Variants in PIK3R5 observed in about 807,000 individuals in gnomAD.
PIK3R5 encodes phosphoinositide 3-kinase regulatory subunit 5.
In PIK3R5, 32 loss-of-function variants were observed where a neutral mutation model predicts 94.9. The observed-to-expected ratio is 0.34, with a 90% CI of 0.25 to 0.45. The LOEUF (loss-of-function observed/expected upper bound fraction) is 0.45, where lower values mean the gene tolerates loss of function less well. Ranked by LOEUF, PIK3R5 falls within the 20% of genes least tolerant of loss-of-function variation. The probability of loss-of-function intolerance (pLI) is 1.00; values close to 1 mark genes in which losing one functional copy is unlikely to be tolerated. For synonymous variants in PIK3R5, 443 were observed against 479.4 expected, an observed-to-expected ratio of 0.92 and a Z score of 0.99; for missense variants, 853 against 1,144.6, an observed-to-expected ratio of 0.75 and a Z score of 3.68.
chr17:8,890,751 T>C lies in PIK3R5; in HGVS notation c.644A>G (p.His215Arg). The change falls in exon 7 of 19, where the codon CAC (histidine) becomes CGC (arginine). Residue 215 changes from histidine (H) to arginine (R), a missense_variant. By Grantham distance (29) the His-to-Arg change is conservative. Around this residue, in one of 6 missense-constraint regions of PIK3R5, gnomAD observed 161 missense variants for 249.5 expected, o/e 0.65. Transcript: ENST00000447110. This position sits in a 1 kb window ranked among gnomAD's most constrained non-coding sequence, Gnocchi z 6.1. ...FGAHCDVPGL[H>R]CRLQAKTLAE... ...CCAGGTACATACCTGTAGCCTGCAG[T>C]GCAGGCCCGGGACGTCACAGTGGGC... is the stretch of plus-strand genomic sequence containing the variant. The C allele has an allele frequency of 1.2e-6, 2 of 1,609,174 alleles. No individual in the cohort carries two copies. The highest frequency in any genetic ancestry group is 8.5e-7 in the Non-Finnish European group (1 of 1,178,020).
intron 1 of PIK3R5, among the ~76,000 whole-genome samples, chr17:8,923,541 A>G (rs539437415): frequency 3.3e-5 from 5 of 152,188 alleles, no homozygotes; most frequent in Non-Finnish European, 7.3e-5. Flanking sequence ...GAGCAGCTAT[A>G]CTGGAGCCAG....
intron 1 of PIK3R5, among the ~76,000 whole-genome samples, chr17:8,961,946 C>A (rs1395961378): frequency 6.6e-6 from 1 of 152,202 alleles, no homozygotes; most frequent in East Asian, 1.9e-4. Flanking sequence ...CTCAACTATC[C>A]AGAACCTAGC....
rs1245088147 is a variant in PIK3R5, at chr17:8,896,974, T to C, written c.413-3319A>G. Among the ~76,000 whole-genome samples, 1 of 152,186 alleles carries C rather than the reference T, an allele frequency of 6.6e-6. No homozygotes were observed. Among genetic ancestry groups the C allele is most frequent in the Non-Finnish European group, 1.5e-5 (1 of 68,032 alleles). On this transcript the variant is annotated intron_variant, in intron 5 of 18. Transcript: ENST00000447110. This position sits in a 1 kb window ranked among gnomAD's most constrained non-coding sequence, Gnocchi z 4.0. ...AACTATGATTAATATCAACTCATGG[T>C]GGACAGTTTGACCTACCTCATACCC...
intron 1 of PIK3R5, among the ~76,000 whole-genome samples, chr17:8,941,375 GA>G (rs1191508898): frequency 7.2e-5 from 11 of 151,982 alleles, no homozygotes; most frequent in Non-Finnish European, 4.4e-5. Flanking sequence ...GAAGGAGAAA[GA>G]AAAAAAGGGG....
Position 8,937,089 on chromosome 17 carries a change from T to C in PIK3R5, c.-13-25582A>G, listed in dbSNP as rs1207994408. ...TATATAGGCAAGCACTTGACTTTTGTGTATTTATCTTGCACTCTGAAACCT... is the reference window on the plus strand; with the variant it reads ...TATATAGGCAAGCACTTGACTTTTGCGTATTTATCTTGCACTCTGAAACCT... On this transcript the variant is annotated intron_variant, in intron 1 of 18. Transcript: ENST00000447110. Among the ~76,000 whole-genome samples, 3 of 152,210 alleles carry C rather than the reference T, an allele frequency of 2.0e-5. 1 individual carries two copies. Among genetic ancestry groups the C allele is most frequent in the Admixed American group, 2.0e-4 (3 of 15,288 alleles).
In PIK3R5 at chr17:8,882,019, C is replaced by T; in HGVS notation, c.2206-138G>A. 3.0e-6 allele frequency: 2 copies of T among 668,316 alleles called. No individual in the cohort carries two copies. Among genetic ancestry groups the T allele is most frequent in the African/African-American group, 1.8e-5 (1 of 56,210 alleles). 41.4% of individuals were successfully genotyped at this position (668,316 alleles called of 1,614,324 possible). A position where few individuals can be genotyped will look rare whatever the true frequency, so the allele number is the denominator to read the frequency against. On this transcript the variant is annotated intron_variant, in intron 15 of 18. Coordinates refer to ENST00000447110, the MANE Select transcript of PIK3R5 (RefSeq NM_001142633.3). This position sits in a 1 kb window ranked among gnomAD's most constrained non-coding sequence, Gnocchi z 4.1. ...AAAGCCCTCTCTTATTCACCAGGGC[C>T]CCTGTACCACCCTGGATAGACCTGG... is the stretch of plus-strand genomic sequence containing the variant.
intron 1 of PIK3R5, among the ~76,000 whole-genome samples, chr17:8,960,702 C>T (rs1264913462): frequency 6.6e-6 from 1 of 152,174 alleles, no homozygotes; most frequent in African/African-American, 2.4e-5. Flanking sequence ...GAACTGGGCT[C>T]CATGTGAGCC....
chr17:8,880,535 G>C lies in PIK3R5; in HGVS notation c.*104C>G. 2 of 1,185,006 alleles carry C rather than the reference G, an allele frequency of 1.7e-6. No individual in the cohort carries two copies. Among genetic ancestry groups the C allele is most frequent in the Admixed American group, 5.7e-5 (2 of 34,800 alleles). 73.4% of individuals were successfully genotyped at this position (1,185,006 alleles called of 1,614,324 possible). A position where few individuals can be genotyped will look rare whatever the true frequency, so the allele number is the denominator to read the frequency against. On this transcript the variant is annotated 3_prime_UTR_variant, in exon 19 of 19. Coordinates refer to ENST00000447110, the MANE Select transcript of PIK3R5 (RefSeq NM_001142633.3). The stretch of plus-strand genomic sequence containing the variant: ...TTGCAGGACCCACAGTGGGACTATG[G>C]CTCTGCACAGGGCCATTCAGTTCTC...
chr17:8,900,963 G>T (rs1465361306), intron 5 of PIK3R5, among the ~76,000 whole-genome samples: 1 of 152,030 alleles, frequency 6.6e-6, no homozygotes, highest in South Asian at 2.1e-4. Flanking sequence ...GAATCATTTC[G>T]GTCTTTGGTG....
In PIK3R5 at chr17:8,909,212, G is replaced by T; in HGVS notation, c.104-38C>A. The T allele has an allele frequency of 7.7e-7, 1 of 1,300,044 alleles. No individual in the cohort carries two copies. The highest frequency in any genetic ancestry group is 1.1e-6 in the Non-Finnish European group (1 of 916,856). The allele number at this position is 1,300,044 out of a possible 1,614,324, so 80.5% of individuals were successfully genotyped here. On this transcript the variant is annotated intron_variant, in intron 2 of 18. Transcript: ENST00000447110. This position sits in a 1 kb window ranked among gnomAD's most constrained non-coding sequence, Gnocchi z 4.3. ...AGAGAGGCAAGGGGTCAGTTCTGGTGTCTTCCAGTCACACTCAGGCAGGGG... is the reference window on the plus strand; with the variant it reads ...AGAGAGGCAAGGGGTCAGTTCTGGTTTCTTCCAGTCACACTCAGGCAGGGG...
At position 8,920,776 on chromosome 17, in the gene PIK3R5, G is replaced by A. The variant is rs545685039; in HGVS notation, c.-13-9269C>T. ...CTGTAATTTTAGCCCTTCTTTTAACGTAACTTGTTTTCTTTTAAAATACAG... is the reference window on the plus strand; with the variant it reads ...CTGTAATTTTAGCCCTTCTTTTAACATAACTTGTTTTCTTTTAAAATACAG... On this transcript the variant is annotated intron_variant, in intron 1 of 18. Coordinates refer to ENST00000447110, the MANE Select transcript of PIK3R5 (RefSeq NM_001142633.3). Among the ~76,000 whole-genome samples, 10 of 150,650 alleles carry A rather than the reference G, an allele frequency of 6.6e-5. No individual in the cohort carries two copies. The East Asian group carries it at 1.7e-3, about 26-fold the overall frequency.
In PIK3R5 at chr17:8,949,085, G is replaced by A. The variant is rs141252698; in HGVS notation, c.-14+16511C>T. On this transcript the variant is annotated intron_variant, in intron 1 of 18. Transcript: ENST00000447110. ...AAATAAACTGAGGCAAGAGGCGGGA[G>A]ACAGCATGGTTCCTTTAGGGAAATG... Among the ~76,000 whole-genome samples the A allele has an allele frequency of 4.6e-5, 7 of 152,308 alleles. No individual in the cohort carries two copies. The East Asian group carries it at 1.4e-3, about 29-fold the overall frequency.
chr17:8,885,535 G>C (rs1418359258), intron 14 of PIK3R5, among the ~76,000 whole-genome samples: 1 of 116,862 alleles, frequency 8.6e-6, no homozygotes, highest in Non-Finnish European at 1.7e-5. Context: ...CCATGGCCCT[G>C]CCTCCCGGTA....
At chr17:8,963,233 C>T (rs566409527) in intron 1 of PIK3R5, among the ~76,000 whole-genome samples, 15 of 152,330 alleles carry the variant, frequency 9.8e-5, no homozygotes, top group Middle Eastern at 3.4e-3. Flanking sequence ...CACAGGGCCA[C>T]GCAGCTCAGT....
chr17:8,884,678 A>G lies in PIK3R5; in HGVS notation c.2205+29T>C. On this transcript the variant is annotated intron_variant, in intron 15 of 18. Transcript: ENST00000447110. The surrounding 1 kb of genome is among the most constrained non-coding windows in gnomAD (Gnocchi z 5.8). ...AGGAAGTATCAGCAGCAGATCCTGGAGGGGAAGGAGCCCCAGCACGGGTCT... is the reference window on the plus strand; with the variant it reads ...AGGAAGTATCAGCAGCAGATCCTGGGGGGGAAGGAGCCCCAGCACGGGTCT... 1 of 1,556,888 alleles carries G rather than the reference A, an allele frequency of 6.4e-7. No homozygotes were observed. The highest frequency in any genetic ancestry group is 8.9e-7 in the Non-Finnish European group (1 of 1,128,784).
At chr17:8,948,655 G>GT (rs2091320421) in intron 1 of PIK3R5, among the ~76,000 whole-genome samples, 1 of 151,900 alleles carries the variant, frequency 6.6e-6, no homozygotes, top group South Asian at 2.1e-4. Context: ...AATGAAAAAG[G>GT]CAAAAAAAAG....
intron 1 of PIK3R5, among the ~76,000 whole-genome samples, chr17:8,946,934 C>T (rs752188674): frequency 6.6e-6 from 1 of 152,148 alleles, no homozygotes; most frequent in Non-Finnish European, 1.5e-5. Flanking sequence ...ACATACGATA[C>T]ATTTTGCTTT....
intron 5 of PIK3R5, among the ~76,000 whole-genome samples, chr17:8,897,625 A>G (rs1283319794): frequency 1.3e-5 from 2 of 152,176 alleles, no homozygotes; most frequent in Non-Finnish European, 2.9e-5. Context: ...GCATCTACTC[A>G]ATATCCATTC....
rs2090059455 is a variant in PIK3R5, at chr17:8,892,850, A to T, written c.482+736T>A. ...GGGGTCCCTGGGCTCCCAACATGTC[A>T]AGGTGAGACAGCACCCAACTCTTCA... is the stretch of plus-strand genomic sequence containing the variant. On this transcript the variant is annotated intron_variant, in intron 6 of 18. Transcript: ENST00000447110. The surrounding 1 kb of genome is among the most constrained non-coding windows in gnomAD (Gnocchi z 4.3). Among the ~76,000 whole-genome samples the T allele has an allele frequency of 6.6e-6, 1 of 152,138 alleles. No individual in the cohort carries two copies. Among genetic ancestry groups the T allele is most frequent in the South Asian group, 2.1e-4 (1 of 4,832 alleles).
Sources: gnomAD v4.1 joint callset for allele counts (sites outside exome capture counted in the v4.1 genomes callset) on GRCh38, gnomAD v4.1.1 for gene constraint, gnomAD v4.1.1 regional missense constraint, Gnocchi (gnomAD v3.1) non-coding constraint, MANE v1.5 for transcripts, NCBI Gene and HGNC (gene_info 2026-07-23, HGNC 2026-07-21) for gene names.